Variants in BBS9 observed in about 807,000 individuals in gnomAD.
BBS9 encodes Bardet-Biedl syndrome 9.
Under a neutral mutation model 117.7 loss-of-function variants are expected in BBS9, and 89 were observed. That is an observed-to-expected ratio of 0.76 (90% CI 0.64 to 0.90). The LOEUF is 0.90. Ranked by LOEUF, BBS9 falls within the 40% of genes least tolerant of loss-of-function variation. The pLI is 0.00. For missense variants in BBS9, 982 were observed against 1,042.2 expected (o/e 0.94, Z 0.80); for synonymous variants, 379 against 370.9 (o/e 1.02, Z -0.25).
intron 7 of BBS9, 114 bp from the exon 8 acceptor site, chr7:33,272,898 C>A: frequency 1.0e-6 from 1 of 1,000,092 alleles, no homozygotes; most frequent in Non-Finnish European, 1.6e-6. Flanking sequence ...AGAGATTAGC[C>A]CATCTTTATA....
chr7:33,527,304 T>C (rs939105476), intron 20 of BBS9, among the ~76,000 whole-genome samples: 1 of 152,198 alleles, frequency 6.6e-6, no homozygotes, highest in Non-Finnish European at 1.5e-5. Flanking sequence ...CTGCTTTGTT[T>C]ACCTAAGCAA....
At chr7:33,269,929 A>G (rs1799489621) in intron 7 of BBS9, among the ~76,000 whole-genome samples, 1 of 151,182 alleles carries the variant, frequency 6.6e-6, no homozygotes, top group African/African-American at 2.4e-5. Flanking sequence ...AGTCTGAGGC[A>G]GGAGAATCGC....
At chr7:33,237,340 G>C (rs75274917) in intron 5 of BBS9, among the ~76,000 whole-genome samples, 1 of 152,064 alleles carries the variant, frequency 6.6e-6, no homozygotes, top group African/African-American at 2.4e-5. Context: ...TCTTCTTTGA[G>C]CTATGTACAA....
intron 9 of BBS9, among the ~76,000 whole-genome samples, chr7:33,300,612 G>GTTTTTTTTTT (rs374179445): frequency 7.4e-6 from 1 of 136,034 alleles, no homozygotes. Context: ...GACTTTCCTT[G>GTTTTTTTTTT]TTTTTTTTTT....
Position 33,336,623 on chromosome 7 carries a change from G to T in BBS9, c.1198+1G>T, listed in dbSNP as rs773593564. ...ATCAAAGATGTTAACAAATCACAAG[G>T]TATCTCATTTGCAGCTTTTTATTAT... On this transcript the variant is annotated splice_donor_variant, in intron 10 of 22. Transcript: ENST00000242067. LOFTEE classifies it high-confidence loss of function. The T allele has an allele frequency of 6.3e-7, 1 of 1,593,710 alleles. No homozygotes were observed. Among genetic ancestry groups the T allele is most frequent in the Non-Finnish European group, 8.6e-7 (1 of 1,164,004 alleles).
At chr7:33,389,014 C>G (rs1164671033) in intron 19 of BBS9, among the ~76,000 whole-genome samples, 3 of 152,176 alleles carry the variant, frequency 2.0e-5, no homozygotes, top group Non-Finnish European at 2.9e-5. Context: ...AGAGAGATCT[C>G]ATGTCTCCTT....
At chr7:33,180,616 A>G (rs1262261305) in intron 5 of BBS9, among the ~76,000 whole-genome samples, 1 of 152,128 alleles carries the variant, frequency 6.6e-6, no homozygotes, top group Non-Finnish European at 1.5e-5. Context: ...CAGCCTCTCA[A>G]AGTGCTAGGA....
At chr7:33,573,789 A>G (rs1337873187) in intron 21 of BBS9, among the ~76,000 whole-genome samples, 1 of 152,066 alleles carries the variant, frequency 6.6e-6, no homozygotes, top group African/African-American at 2.4e-5. Flanking sequence ...GTACAGTGAA[A>G]TAGTGAAGAT....
At chr7:33,367,531 G>A (rs1822011787) in intron 16 of BBS9, among the ~76,000 whole-genome samples, 1 of 152,012 alleles carries the variant, frequency 6.6e-6, no homozygotes, top group South Asian at 2.1e-4. Flanking sequence ...TCTCATATGT[G>A]GAATCAACCA....
At chr7:33,469,824 G>A (rs184566860) in intron 19 of BBS9, among the ~76,000 whole-genome samples, 35 of 152,184 alleles carry the variant, frequency 2.3e-4, no homozygotes, top group Admixed American at 4.6e-4. Flanking sequence ...AACTCAAAGC[G>A]CCCTAGGGTG....
intron 16 of BBS9, among the ~76,000 whole-genome samples, chr7:33,362,262 C>T (rs1256637422): frequency 6.6e-6 from 1 of 152,094 alleles, no homozygotes; most frequent in Non-Finnish European, 1.5e-5. Flanking sequence ...AGCAGAAGTT[C>T]TTAATCTTCA....
intron 5 of BBS9, among the ~76,000 whole-genome samples, chr7:33,178,204 A>G (rs1189366053): frequency 1.3e-5 from 2 of 152,186 alleles, no homozygotes; most frequent in Admixed American, 6.5e-5. Context: ...TGGGTCTGAA[A>G]TACAGACTTG....
intron 9 of BBS9, among the ~76,000 whole-genome samples, chr7:33,303,431 C>A (rs1207242453): frequency 6.7e-6 from 1 of 150,330 alleles, no homozygotes; most frequent in Non-Finnish European, 1.5e-5. Flanking sequence ...GAAGTATGTT[C>A]TTTCTGTACC....
At chr7:33,492,613 A>G (rs1208159856) in intron 19 of BBS9, among the ~76,000 whole-genome samples, 2 of 152,188 alleles carry the variant, frequency 1.3e-5, no homozygotes, top group Non-Finnish European at 2.9e-5. Flanking sequence ...AGTAATGTGC[A>G]GGACTTGAAT....
intron 5 of BBS9, among the ~76,000 whole-genome samples, chr7:33,223,908 A>T (rs755022209): frequency 6.6e-6 from 1 of 152,166 alleles, no homozygotes; most frequent in African/African-American, 2.4e-5. Context: ...CTAATCTCTT[A>T]CTTTATAGTT....
chr7:33,224,272 T>C (rs1790823675), intron 5 of BBS9, among the ~76,000 whole-genome samples: 1 of 152,248 alleles, frequency 6.6e-6, no homozygotes, highest in Non-Finnish European at 1.5e-5. Context: ...TACTGATGGT[T>C]ATAGAAGTTA....
downstream of BBS9, among the ~76,000 whole-genome samples, chr7:33,606,781 C>T (rs988027139): frequency 2.0e-5 from 3 of 152,150 alleles, no homozygotes; most frequent in Admixed American, 1.3e-4. Context: ...TCGAGGTCCT[C>T]TTGGAATAAG....
chr7:33,404,811 CT>C (rs1829616935), intron 19 of BBS9, among the ~76,000 whole-genome samples: 1 of 152,122 alleles, frequency 6.6e-6, no homozygotes. Context: ...TTGACTTCCT[CT>C]TTTCCTAATT....
intron 16 of BBS9, among the ~76,000 whole-genome samples, chr7:33,359,868 G>A (rs1820306234): frequency 6.6e-6 from 1 of 151,996 alleles, no homozygotes; most frequent in Admixed American, 6.6e-5. Flanking sequence ...CAAAAGAAAT[G>A]TGAAATTTAG....
Sources: gnomAD v4.1 joint callset for allele counts (sites outside exome capture counted in the v4.1 genomes callset) on GRCh38, gnomAD v4.1.1 for gene constraint, MANE v1.5 for transcripts, NCBI Gene and HGNC (gene_info 2026-07-23, HGNC 2026-07-21) for gene names.